Variants in THSD7B observed in about 807,000 individuals in gnomAD.
THSD7B encodes the protein thrombospondin type-1 domain-containing protein 7B.
A neutral mutation model predicts 213.6 loss-of-function variants in THSD7B; 138 were observed. The ratio of observed to expected loss-of-function variants is 0.65; its 90% confidence interval spans 0.56 to 0.74. The LOEUF (loss-of-function observed/expected upper bound fraction) is 0.74, where lower values mean the gene tolerates loss of function less well. Among genes scored for constraint, THSD7B ranks in the 30% least tolerant of loss-of-function variants. The pLI is 0.00. For missense variants in THSD7B, 1,931 were observed against 1,991.5 expected (o/e 0.97, Z 0.58); for synonymous variants, 742 against 687.0 (o/e 1.08, Z -1.25).
intron 2 of THSD7B, among the ~76,000 whole-genome samples, chr2:137,042,935 T>A (rs895375592): frequency 1.3e-5 from 2 of 152,178 alleles, no homozygotes; most frequent in African/African-American, 4.8e-5. Flanking sequence ...ATGCAGGGGC[T>A]AAAAAGAGTT....
At chr2:136,990,885 C>T (rs376100585) in intron 2 of THSD7B, 70 of 1,344,094 alleles carry the variant, frequency 5.2e-5, no homozygotes, top group African/African-American at 2.2e-4. Context: ...TATTCAGAGG[C>T]GAAACGATGC....
intron 6 of THSD7B, among the ~76,000 whole-genome samples, chr2:137,161,657 A>G (rs1376296651): frequency 6.6e-6 from 1 of 152,176 alleles, no homozygotes; most frequent in East Asian, 1.9e-4. Context: ...TCTGGATGTC[A>G]AAGAAGCCTG....
At chr2:136,970,086 ACACT>A (rs1685380472) in intron 2 of THSD7B, among the ~76,000 whole-genome samples, 1 of 152,212 alleles carries the variant, frequency 6.6e-6, no homozygotes, top group African/African-American at 2.4e-5. Context: ...AAAAATATAA[ACACT>A]CAGAGGATAT....
At chr2:136,898,587 G>A (rs12613701) in intron 2 of THSD7B, among the ~76,000 whole-genome samples, 26,950 of 69,786 alleles carry the variant, frequency 0.39, 4,134 homozygotes, top group East Asian at 0.73. Flanking sequence ...CCGCCCCCCC[G>A]CCAAAAGAGC....
chr2:137,034,156 C>T (rs1005192375), intron 2 of THSD7B, among the ~76,000 whole-genome samples: 1 of 152,122 alleles, frequency 6.6e-6, no homozygotes, highest in South Asian at 2.1e-4. Context: ...GCATAGTATT[C>T]CATGGTGTAT....
chr2:136,996,381 A>G (rs1341026237), intron 2 of THSD7B, among the ~76,000 whole-genome samples: 1 of 146,984 alleles, frequency 6.8e-6, no homozygotes, highest in Non-Finnish European at 1.5e-5. Flanking sequence ...TTGCTTTGTC[A>G]TCTTGGCTGG....
At chr2:136,957,507 C>A (rs1685147181) in intron 2 of THSD7B, among the ~76,000 whole-genome samples, 2 of 151,098 alleles carry the variant, frequency 1.3e-5, no homozygotes, top group South Asian at 4.2e-4. Context: ...GAAACTAGTA[C>A]CAGAAAGAGT....
At chr2:137,350,970 C>G (rs1442603127) in intron 12 of THSD7B, among the ~76,000 whole-genome samples, 1 of 151,790 alleles carries the variant, frequency 6.6e-6, no homozygotes, top group Non-Finnish European at 1.5e-5. Flanking sequence ...CTGGATATGT[C>G]AAGTTTGAAG....
chr2:137,389,397 A>C (rs528618866), intron 12 of THSD7B, among the ~76,000 whole-genome samples: 84 of 112,712 alleles, frequency 7.5e-4, no homozygotes, highest in Non-Finnish European at 4.7e-4. Flanking sequence ...CCACTTCTTA[A>C]TGTGATTTTT....
chr2:137,211,157 G>C (rs913155539), intron 7 of THSD7B, among the ~76,000 whole-genome samples: 24 of 151,768 alleles, frequency 1.6e-4, no homozygotes, highest in African/African-American at 5.8e-4. Flanking sequence ...CTTTCACTTT[G>C]GCTTCGGAAA....
chr2:137,106,578 C>A (rs1235621991), intron 4 of THSD7B, among the ~76,000 whole-genome samples: 5 of 152,106 alleles, frequency 3.3e-5, no homozygotes, highest in Non-Finnish European at 7.4e-5. Context: ...TTCTGCACAA[C>A]AAAAGAAACT....
At chr2:137,483,478 C>T (rs1232651192) in intron 15 of THSD7B, among the ~76,000 whole-genome samples, 2 of 152,210 alleles carry the variant, frequency 1.3e-5, no homozygotes, top group Non-Finnish European at 2.9e-5. Flanking sequence ...AGATGCTGGG[C>T]TCTGCCAGGA....
chr2:137,411,919 C>T, intron 14 of THSD7B, 47 bp downstream of exon 14: 1 of 1,594,904 alleles, frequency 6.3e-7, no homozygotes. Context: ...TCACACACAG[C>T]TCGGGAGGTT....
chr2:137,194,691 G>A (rs1384927037), intron 7 of THSD7B, among the ~76,000 whole-genome samples: 1 of 151,728 alleles, frequency 6.6e-6, no homozygotes, highest in Admixed American at 6.6e-5. Context: ...TGTTACTATT[G>A]TAAATAATGT....
chr2:137,276,759 T>A (rs1221740618), intron 12 of THSD7B, among the ~76,000 whole-genome samples: 1 of 152,088 alleles, frequency 6.6e-6, no homozygotes, highest in Admixed American at 6.6e-5. Flanking sequence ...GTGGCAAAAT[T>A]AGACCTTGTG....
At chr2:137,485,529 A>C (rs1014152172) in intron 15 of THSD7B, among the ~76,000 whole-genome samples, 9 of 152,154 alleles carry the variant, frequency 5.9e-5, no homozygotes, top group African/African-American at 2.2e-4. Context: ...TGATTGGTGT[A>C]CCTGAAAGTG....
At chr2:136,968,954 T>C (rs1271075137) in intron 2 of THSD7B, among the ~76,000 whole-genome samples, 1 of 152,116 alleles carries the variant, frequency 6.6e-6, no homozygotes, top group Non-Finnish European at 1.5e-5. Flanking sequence ...AAATAAACAA[T>C]ATTAATATAA....
intron 10 of THSD7B, among the ~76,000 whole-genome samples, chr2:137,265,687 C>G (rs1248421621): frequency 6.6e-6 from 1 of 152,162 alleles, no homozygotes; most frequent in East Asian, 1.9e-4. Flanking sequence ...TCTACCTTTT[C>G]CACACATTTG....
At chr2:137,071,844 G>A (rs1687495110) in intron 3 of THSD7B, among the ~76,000 whole-genome samples, 1 of 152,104 alleles carries the variant, frequency 6.6e-6, no homozygotes, top group Non-Finnish European at 1.5e-5. Context: ...AGTTTTCCCA[G>A]CACCATTTAT....
Sources: allele counts gnomAD v4.1 joint callset (sites outside exome capture counted in the v4.1 genomes callset), GRCh38; gene constraint gnomAD v4.1.1; transcripts MANE v1.5; gene names NCBI Gene and HGNC (gene_info 2026-07-23, HGNC 2026-07-21).